Variants in CBL observed in about 807,000 individuals in gnomAD.
The protein encoded by CBL is E3 ubiquitin-protein ligase CBL.
In CBL, 45 loss-of-function variants were observed where a neutral mutation model predicts 96.9. The ratio of observed to expected loss-of-function variants is 0.46; its 90% CI spans 0.37 to 0.60. The LOEUF is 0.60. CBL is among the 20% of genes least tolerant of loss of function. The probability of loss-of-function intolerance (pLI) is 0.00; values close to 1 mark genes in which losing one functional copy is unlikely to be tolerated. For synonymous variants in CBL, 420 were observed against 426.8 expected, an observed-to-expected ratio of 0.98 and a Z score of 0.20; for missense variants, 1,024 against 1,143.5, an observed-to-expected ratio of 0.90 and a Z score of 1.51.
intron 2 of CBL, among the ~76,000 whole-genome samples, chr11:119,233,718 A>G (rs1358820451): frequency 6.6e-6 from 1 of 152,240 alleles, no homozygotes; most frequent in Non-Finnish European, 1.5e-5. Flanking sequence ...TAATTCCACT[A>G]GAATTTTTTA....
chr11:119,222,805 A>T (rs1009205653), intron 1 of CBL, among the ~76,000 whole-genome samples: 4 of 152,284 alleles, frequency 2.6e-5, no homozygotes, highest in Non-Finnish European at 4.4e-5. Context: ...CAGGGCCTTT[A>T]GGAACCATTT....
intron 1 of CBL, 125 bp downstream of exon 1, chr11:119,206,737 G>C (rs1181152155): frequency 1.8e-6 from 2 of 1,086,112 alleles, no homozygotes; most frequent in Admixed American, 2.5e-5. Context: ...GAGGCGCGGA[G>C]CCGGGGTGAC....
At chr11:119,261,193 C>T (rs901680197) in intron 2 of CBL, among the ~76,000 whole-genome samples, 7 of 151,992 alleles carry the variant, frequency 4.6e-5, no homozygotes, top group South Asian at 2.1e-4. Flanking sequence ...GGATTACAGG[C>T]GTGAGCCACC....
intron 1 of CBL, among the ~76,000 whole-genome samples, chr11:119,210,539 C>T (rs1002395503): frequency 5.9e-5 from 9 of 151,350 alleles, no homozygotes; most frequent in Non-Finnish European, 1.2e-4. Context: ...AAATGATTTT[C>T]GTGCCTCAGC....
At chr11:119,297,136 G>T in intron 13 of CBL, 102 bp downstream of exon 13, 1 of 792,158 alleles carries the variant, frequency 1.3e-6, no homozygotes, top group Non-Finnish European at 2.3e-6. Context: ...TATCCAGTCA[G>T]ATTAAAGCAG....
chr11:119,253,106 C>T (rs1430467264), intron 2 of CBL, among the ~76,000 whole-genome samples: 2 of 152,004 alleles, frequency 1.3e-5, no homozygotes, highest in Non-Finnish European at 2.9e-5. Flanking sequence ...GAGCTGGAAA[C>T]AAGTTGCTTT....
chr11:119,296,993 T>C lies in CBL; in HGVS notation c.2112T>C (p.Ser704=), dbSNP rs2135319901. The change falls in exon 13 of 16, where the codon TCT becomes TCC. Residue 704 remains serine, a synonymous_variant. Transcript: ENST00000264033. ...AGGACACAGAGTACATGACTCCCTC[T>C]TCCAGGCCTCTACGGCCTTTGGATA... ...GEEDTEYMTP[S]SRPLRPLDTS... 1 of 1,610,990 alleles carries C rather than the reference T, an allele frequency of 6.2e-7. No homozygotes were observed. Among genetic ancestry groups the C allele is most frequent in the Non-Finnish European group, 8.5e-7 (1 of 1,177,066 alleles).
chr11:119,305,958 A>G lies in CBL; in HGVS notation c.*6177A>G, dbSNP rs1950137010. 6.8e-6 allele frequency: 2 copies of G among 291,992 alleles called. No homozygotes were observed. Among genetic ancestry groups the G allele is most frequent in the Non-Finnish European group, 1.3e-5 (2 of 157,494 alleles). The allele number at this position is 291,992 out of a possible 1,614,324, so 18.1% of individuals were successfully genotyped here. A position where few individuals can be genotyped will look rare whatever the true frequency, so the allele number is the denominator to read the frequency against. ...CAAGGGAGGAAGGGTGGGTCATCAG[A>G]CTTTGCCTTTGATGTTGTAGACTAG... is the stretch of plus-strand genomic sequence containing the variant. On this transcript the variant is annotated 3_prime_UTR_variant, in exon 16 of 16. Coordinates refer to ENST00000264033, the MANE Select transcript of CBL (RefSeq NM_005188.4).
chr11:119,249,551 C>CAAAA (rs11378996), intron 2 of CBL, among the ~76,000 whole-genome samples: 3,312 of 116,094 alleles, frequency 0.029, 167 homozygotes, highest in African/African-American at 0.095. Flanking sequence ...GACTCGGTCT[C>CAAAA]AAAAAAAAAA....
intron 2 of CBL, among the ~76,000 whole-genome samples, chr11:119,270,416 T>TTATATATATATATATA (rs142299271): frequency 8.1e-5 from 6 of 74,362 alleles, no homozygotes; most frequent in African/African-American, 3.1e-4. Context: ...CAGCTAATTT[T>TTATATATATATATATA]TATATATATA....
rs2135322388 is a variant in CBL, at chr11:119,299,775, T to C, written c.2715T>C (p.Ala905=). ...FVSISSPAHV[A]T Reference sequence around the variant, plus strand: ...CCATTTCTTCTCCTGCCCATGTAGCTACCTAGCACACCATCTCCCTGCTGC... The same window carrying C: ...CCATTTCTTCTCCTGCCCATGTAGCCACCTAGCACACCATCTCCCTGCTGC... The change falls in exon 16 of 16, where the codon GCT becomes GCC. Residue 905 remains alanine, a synonymous_variant. Transcript: ENST00000264033. 1 of 1,614,106 alleles carries C rather than the reference T, an allele frequency of 6.2e-7. No homozygotes were observed. The highest frequency in any genetic ancestry group is 8.5e-7 in the Non-Finnish European group (1 of 1,180,014).
intron 2 of CBL, among the ~76,000 whole-genome samples, chr11:119,270,268 G>A (rs1317245836): frequency 5.1e-5 from 7 of 136,760 alleles, no homozygotes; most frequent in African/African-American, 1.9e-4. Context: ...TTTTTGAGGT[G>A]GAGTTTCGCT....
rs972793086 is a variant in CBL, at chr11:119,301,059, A to G, written c.*1278A>G. On this transcript the variant is annotated 3_prime_UTR_variant, in exon 16 of 16. Coordinates refer to ENST00000264033, the MANE Select transcript of CBL (RefSeq NM_005188.4). ...TCCACGGTGGCCCAGCCTCTTGCTGATGGCACCTTCCCTGCATTGCTGCCT... is the reference window on the plus strand; with the variant it reads ...TCCACGGTGGCCCAGCCTCTTGCTGGTGGCACCTTCCCTGCATTGCTGCCT... 2.1e-5 allele frequency: 5 copies of G among 233,226 alleles called. No individual in the cohort carries two copies. Among genetic ancestry groups the G allele is most frequent in the Non-Finnish European group, 4.2e-5 (5 of 118,134 alleles). 14.4% of individuals were successfully genotyped at this position (233,226 alleles called of 1,614,324 possible).
intron 1 of CBL, among the ~76,000 whole-genome samples, chr11:119,218,280 T>G (rs575682023): frequency 6.6e-5 from 10 of 152,162 alleles, no homozygotes; most frequent in African/African-American, 2.4e-4. Context: ...ATAGAGTCAC[T>G]GGGGCTCATG....
At chr11:119,220,114 C>G (rs145118384) in intron 1 of CBL, among the ~76,000 whole-genome samples, 1 of 152,092 alleles carries the variant, frequency 6.6e-6, no homozygotes, top group Non-Finnish European at 1.5e-5. Flanking sequence ...CCTTGGCCTC[C>G]CAAAGCGTAG....
At chr11:119,269,033 TC>T (rs1197353905) in intron 2 of CBL, among the ~76,000 whole-genome samples, 1 of 152,140 alleles carries the variant, frequency 6.6e-6, no homozygotes, top group Non-Finnish European at 1.5e-5. Flanking sequence ...CAGTCTAGGG[TC>T]CTGCGGAACA....
chr11:119,236,598 T>TAC (rs1324286562), intron 2 of CBL, among the ~76,000 whole-genome samples: 1 of 41,100 alleles, frequency 2.4e-5, no homozygotes, highest in Non-Finnish European at 4.8e-5. Context: ...CTTTTGAGTA[T>TAC]ATATATATAT....
In CBL at chr11:119,306,225, C is replaced by G. The variant is rs1950139643; in HGVS notation, c.*6444C>G. 2.5e-6 allele frequency: 1 copy of G among 398,604 alleles called. No homozygotes were observed. Among genetic ancestry groups the G allele is most frequent in the Non-Finnish European group, 4.4e-6 (1 of 226,074 alleles). The allele number at this position is 398,604 out of a possible 1,614,324, so 24.7% of individuals were successfully genotyped here. A position where few individuals can be genotyped will look rare whatever the true frequency, so the allele number is the denominator to read the frequency against. ...CAGACTAAGCTGTGTGGTGCTCTTG[C>G]CGCCCCTTCCTGGGTACAGAGCTTG... On this transcript the variant is annotated 3_prime_UTR_variant, in exon 16 of 16. Transcript: ENST00000264033.
At chr11:119,245,139 T>C (rs1484702184) in intron 2 of CBL, among the ~76,000 whole-genome samples, 1 of 150,456 alleles carries the variant, frequency 6.6e-6, no homozygotes, top group Non-Finnish European at 1.5e-5. Flanking sequence ...CCGAAAGTGC[T>C]GGGATTACAG....
Sources: allele counts gnomAD v4.1 joint callset (sites outside exome capture counted in the v4.1 genomes callset), GRCh38; gene constraint gnomAD v4.1.1; transcripts MANE v1.5; gene names NCBI Gene and HGNC (gene_info 2026-07-23, HGNC 2026-07-21).